MARCHF10: variants seen among roughly 807,000 people sequenced by gnomAD.
MARCHF10 encodes membrane associated ring-CH-type finger 10, also known as probable E3 ubiquitin-protein ligase MARCHF10.
A neutral mutation model predicts 76.2 loss-of-function variants in MARCHF10; 64 were observed. The observed-to-expected ratio is 0.84, with a 90% CI of 0.69 to 1.03. The LOEUF is 1.03. Ranked by LOEUF, MARCHF10 falls within the 50% of genes least tolerant of loss-of-function variation. The pLI is 0.00. For synonymous variants in MARCHF10, 340 were observed against 357.5 expected, an observed-to-expected ratio of 0.95 and a Z score of 0.55; for missense variants, 875 against 958.0, an observed-to-expected ratio of 0.91 and a Z score of 1.14.
At chr17:62,733,592 C>T (rs1207594814) in intron 6 of MARCHF10, among the ~76,000 whole-genome samples, 2 of 152,198 alleles carry the variant, frequency 1.3e-5, no homozygotes, top group Non-Finnish European at 1.5e-5. Context: ...CACTCCTAGA[C>T]AAGATCCCAG....
intron 5 of MARCHF10, among the ~76,000 whole-genome samples, chr17:62,743,542 C>T (rs896408851): frequency 1.3e-5 from 2 of 152,136 alleles, no homozygotes; most frequent in African/African-American, 4.8e-5. Flanking sequence ...ACTTGGGAGG[C>T]TGAGGCATGT....
chr17:62,738,234 A>AC lies in MARCHF10; in HGVS notation c.536-903dup, dbSNP rs959503184. Among the ~76,000 whole-genome samples the AC allele has an allele frequency of 1.3e-5, 2 of 152,146 alleles. No homozygotes were observed. The highest frequency in any genetic ancestry group is 2.9e-5 in the Non-Finnish European group (2 of 68,020). ...AGTAAGTGATGGAATGAACATTTGA[A>AC]CCCACGCCTGCTCGATACTAGGGTT... On this transcript the variant is annotated intron_variant, in intron 5 of 10. Coordinates refer to ENST00000311269, the MANE Select transcript of MARCHF10 (RefSeq NM_152598.4). This position sits in a 1 kb window ranked among gnomAD's most constrained non-coding sequence, Gnocchi z 4.0.
chr17:62,762,040 T>C (rs975669221), intron 3 of MARCHF10, among the ~76,000 whole-genome samples: 9 of 151,932 alleles, frequency 5.9e-5, no homozygotes, highest in South Asian at 4.1e-4. Flanking sequence ...TCAGCAGCAG[T>C]AGCAGCAGCA....
intron 2 of MARCHF10, among the ~76,000 whole-genome samples, chr17:62,801,050 A>G (rs1354150635): frequency 2.0e-5 from 3 of 152,128 alleles, no homozygotes; most frequent in Non-Finnish European, 4.4e-5. Context: ...CTGGTGGACA[A>G]GGGCTCCATG....
intron 5 of MARCHF10, among the ~76,000 whole-genome samples, chr17:62,739,499 AC>A (rs925775081): frequency 2.0e-5 from 3 of 149,972 alleles, no homozygotes; most frequent in African/African-American, 7.4e-5. Flanking sequence ...CTCCTGCCTC[AC>A]CCTCCTGAGT....
chr17:62,793,094 T>C (rs1439739350), intron 2 of MARCHF10, among the ~76,000 whole-genome samples: 19 of 88,940 alleles, frequency 2.1e-4, no homozygotes, highest in East Asian at 1.2e-3. Flanking sequence ...ACCACCTCCA[T>C]TACCACCACC....
At chr17:62,789,680 G>A (rs1355554735) in intron 2 of MARCHF10, among the ~76,000 whole-genome samples, 1 of 152,196 alleles carries the variant, frequency 6.6e-6, no homozygotes, top group Non-Finnish European at 1.5e-5. Flanking sequence ...GCTCATGCCT[G>A]TAATCCCAGC....
At chr17:62,803,170 T>G (rs2093105513) in intron 1 of MARCHF10, among the ~76,000 whole-genome samples, 1 of 150,734 alleles carries the variant, frequency 6.6e-6, no homozygotes, top group Non-Finnish European at 1.5e-5. Context: ...ATGCCTATAG[T>G]CCTACCTACT....
intron 8 of MARCHF10, 140 bp downstream of exon 8, chr17:62,722,348 G>T: frequency 1.9e-6 from 1 of 521,452 alleles, no homozygotes; most frequent in Non-Finnish European, 3.4e-6. Flanking sequence ...TCTTCTCAGA[G>T]AAGTAAGCTA....
intron 3 of MARCHF10, among the ~76,000 whole-genome samples, chr17:62,761,609 A>G (rs1009556241): frequency 4.0e-5 from 6 of 151,898 alleles, no homozygotes; most frequent in African/African-American, 1.5e-4. Flanking sequence ...TTTAGTAGAG[A>G]CGGGGTTTCG....
intron 6 of MARCHF10, among the ~76,000 whole-genome samples, chr17:62,729,634 A>G (rs2090927759): frequency 6.6e-6 from 1 of 151,564 alleles, no homozygotes; most frequent in Non-Finnish European, 1.5e-5. Flanking sequence ...GCTGGAGTGC[A>G]GTGATCACAG....
At chr17:62,724,808 A>C (rs1345368832) in intron 7 of MARCHF10, 130 bp downstream of exon 7, 5 of 943,854 alleles carry the variant, frequency 5.3e-6, no homozygotes, top group African/African-American at 1.7e-5. Context: ...TCTGGAGCTC[A>C]GCCACGTGTC....
At chr17:62,749,025 G>C (rs1298437628) in intron 4 of MARCHF10, among the ~76,000 whole-genome samples, 1 of 152,170 alleles carries the variant, frequency 6.6e-6, no homozygotes, top group Admixed American at 6.5e-5. Context: ...TGAATTTTGG[G>C]AAGACTTTGG....
chr17:62,765,666 G>A (rs1011771201), intron 3 of MARCHF10, among the ~76,000 whole-genome samples: 12 of 152,058 alleles, frequency 7.9e-5, no homozygotes, highest in African/African-American at 2.9e-4. Flanking sequence ...GTGAAACTTC[G>A]CGCTGCAAGT....
chr17:62,709,242 G>A (rs969963781), intron 9 of MARCHF10, among the ~76,000 whole-genome samples: 1 of 152,152 alleles, frequency 6.6e-6, no homozygotes, highest in Non-Finnish European at 1.5e-5. Context: ...CACTTTGGGA[G>A]GCCAAGGCAG....
At chr17:62,745,991 A>G (rs1389029765) in intron 4 of MARCHF10, among the ~76,000 whole-genome samples, 2 of 152,230 alleles carry the variant, frequency 1.3e-5, no homozygotes, top group African/African-American at 4.8e-5. Context: ...ACATAGGGAT[A>G]AAGCCGGGGA....
intron 2 of MARCHF10, among the ~76,000 whole-genome samples, chr17:62,796,065 C>A (rs567521183): frequency 2.0e-5 from 3 of 150,664 alleles, no homozygotes; most frequent in Non-Finnish European, 4.4e-5. Flanking sequence ...AGTGCAGTGG[C>A]GTCATCTCGG....
Position 62,736,309 on chromosome 17 carries a change from G to T in MARCHF10, c.1559C>A (p.Thr520Asn), listed in dbSNP as rs374173545. 5 of 1,614,070 alleles carry T rather than the reference G, an allele frequency of 3.1e-6. No homozygotes were observed. The African/African-American group carries it at 5.3e-5, about 17-fold the overall frequency. ...CQPLSPIRNR[T>N]PFASAENHNY... ...ATGGTTTTCGGCACTGGCAAATGGA[G>T]TCCTATTTCTAATGGGAGACAGTGG... The change falls in exon 6 of 11, where the codon ACT (threonine) becomes AAT (asparagine). Residue 520 changes from threonine to asparagine, a missense_variant. Physicochemically the swap from Thr to Asn is moderately conservative, Grantham distance 65. Transcript: ENST00000311269.
intron 3 of MARCHF10, among the ~76,000 whole-genome samples, chr17:62,767,540 TC>T (rs1181543390): frequency 2.1e-5 from 3 of 141,054 alleles, no homozygotes; most frequent in African/African-American, 2.6e-5. Flanking sequence ...AACCTCCACC[TC>T]CCAGGTTCAA....
Sources: gnomAD v4.1 joint callset for allele counts (sites outside exome capture counted in the v4.1 genomes callset) on GRCh38, gnomAD v4.1.1 for gene constraint, Gnocchi (gnomAD v3.1) non-coding constraint, MANE v1.5 for transcripts, NCBI Gene and HGNC (gene_info 2026-07-23, HGNC 2026-07-21) for gene names.